ZNF629: variants seen among roughly 807,000 people sequenced by gnomAD.
The protein encoded by ZNF629 is zinc finger protein 629.
A neutral mutation model predicts 59.7 loss-of-function variants in ZNF629; 9 were observed. The ratio of observed to expected loss-of-function variants is 0.15; its 90% confidence interval spans 0.09 to 0.26. The LOEUF (loss-of-function observed/expected upper bound fraction) is 0.26. Ranked by LOEUF, ZNF629 falls within the 10% of genes least tolerant of loss-of-function variation. ZNF629 has a pLI of 1.00. For synonymous variants in ZNF629, 509 were observed against 498.9 expected, an observed-to-expected ratio of 1.02 and a Z score of -0.27; for missense variants, 853 against 1,165.4, an observed-to-expected ratio of 0.73 and a Z score of 3.90.
chr16:30,782,354 G>A lies in ZNF629; in HGVS notation c.1974C>T (p.Ser658=), dbSNP rs1289779038. ...AGTGGGAGCAGATGTAGGTCTTGGA[G>A]GACAGCAGCCCCCGCCTCTGGCTGA... ...EGFSQRRGLL[S]SKTYICSHCG... Residue 658 remains serine (S), a synonymous_variant, in exon 3 of 3, where the codon TCC becomes TCT. Coordinates refer to ENST00000262525, the MANE Select transcript of ZNF629 (RefSeq NM_001080417.3). 1.3e-6 allele frequency: 2 copies of A among 1,580,148 alleles called. No individual in the cohort carries two copies. Among genetic ancestry groups the A allele is most frequent in the African/African-American group, 1.3e-5 (1 of 74,244 alleles).
rs751369784 is a variant in ZNF629 at position 30,781,808 on chromosome 16, C to T, written c.2520G>A (p.Lys840=). ...CTCCACACTCGGGGCACAGATAGGG[C>T]TTTTCTTCCACTAGGGTTTTGGGGT... ...GQNPKTLVEE[K]PYLCPECGAG... Residue 840 remains lysine (K), a synonymous_variant, in exon 3 of 3, where the codon AAG becomes AAA. Coordinates refer to ENST00000262525, the MANE Select transcript of ZNF629 (RefSeq NM_001080417.3). 3.7e-6 allele frequency: 6 copies of T among 1,610,546 alleles called. No individual in the cohort carries two copies. The highest frequency in any genetic ancestry group is 5.1e-6 in the Non-Finnish European group (6 of 1,178,080).
Position 30,783,472 on chromosome 16 carries a change from C to G in ZNF629, c.856G>C (p.Gly286Arg), listed in dbSNP as rs1428979703. 1 of 1,614,138 alleles carries G rather than the reference C, an allele frequency of 6.2e-7. No homozygotes were observed. Among genetic ancestry groups the G allele is most frequent in the Admixed American group, 1.7e-5 (1 of 60,024 alleles). Reference sequence around the variant, plus strand: ...TCGGGGCACTTGTAGGGTTTCTCGCCTGTGTGGGTGGCCTGGTGCTGGATG... The same window carrying G: ...TCGGGGCACTTGTAGGGTTTCTCGCGTGTGTGGGTGGCCTGGTGCTGGATG... ...DLIQHQATHT[G>R]EKPYKCPECG... Residue 286 changes from glycine (G) to arginine (R), a missense_variant, in exon 3 of 3, where the codon GGC becomes CGC. Gly to Arg is a moderately radical substitution (Grantham distance 125). This residue lies in a region of ZNF629 where 201 missense variants were observed against 536.5 expected (regional missense o/e 0.37). Coordinates refer to ENST00000262525, the MANE Select transcript of ZNF629 (RefSeq NM_001080417.3).
rs1334767976 is a variant in ZNF629 at position 30,786,097 on chromosome 16, C to T, written c.-34+931G>A. ...GGGGCAAGGGAGACATGGCAGGAGG[C>T]GCTGAGAGGTGACCAAGGTGAAGCA... On this transcript the variant is annotated intron_variant, in intron 1 of 2. Coordinates refer to ENST00000262525, the MANE Select transcript of ZNF629 (RefSeq NM_001080417.3). The surrounding 1 kb of genome is among the most constrained non-coding windows in gnomAD (Gnocchi z 4.8). 2.0e-5 allele frequency among the ~76,000 whole-genome samples: 3 copies of T among 152,040 alleles called. No homozygotes were observed. The highest frequency in any genetic ancestry group is 6.6e-5 in the Admixed American group (1 of 15,258).
chr16:30,783,941 G>T lies in ZNF629; in HGVS notation c.387C>A (p.Pro129=). The T allele has an allele frequency of 1.3e-6, 2 of 1,587,978 alleles. No individual in the cohort carries two copies. Among genetic ancestry groups the T allele is most frequent in the Admixed American group, 1.8e-5 (1 of 56,760 alleles). ...GCTCCCGCAGGCTGGGCTCGTTGGCGGGGACGACTGGGGGGCTGTTCCATG... is the reference window on the plus strand; with the variant it reads ...GCTCCCGCAGGCTGGGCTCGTTGGCTGGGACGACTGGGGGGCTGTTCCATG... ...LTTWNSPPVV[P]ANEPSLRELV... Residue 129 remains proline (P), a synonymous_variant, in exon 3 of 3, where the codon CCC becomes CCA. Transcript: ENST00000262525.
chr16:30,781,824 G>A lies in ZNF629; in HGVS notation c.2504C>T (p.Thr835Ile), dbSNP rs949638310. ...CAGATAGGGCTTTTCTTCCACTAGG[G>A]TTTTGGGGTTTTGCCCTTCCCCATG... is the stretch of plus-strand genomic sequence containing the variant. ...SSHGEGQNPKTLVEEKPYLCP... is the reference protein window; with the variant it reads ...SSHGEGQNPKILVEEKPYLCP... Residue 835 changes from threonine to isoleucine, a missense_variant, in exon 3 of 3, where the codon ACC (threonine) becomes ATC (isoleucine). By Grantham distance (89) the Thr-to-Ile change is moderately conservative (BLOSUM62 -1). Around this residue, in one of 3 missense-constraint regions of ZNF629, gnomAD observed 420 missense variants for 435.6 expected, o/e 0.96. Coordinates refer to ENST00000262525, the MANE Select transcript of ZNF629 (RefSeq NM_001080417.3). The A allele has an allele frequency of 5.0e-6, 8 of 1,605,602 alleles. No individual in the cohort carries two copies. Among genetic ancestry groups the A allele is most frequent in the Non-Finnish European group, 6.0e-6 (7 of 1,175,306 alleles).
In ZNF629 at chr16:30,782,227, C is replaced by T; in HGVS notation, c.2101G>A (p.Glu701Lys). Reference sequence around the variant, plus strand: ...AAGAAGGGGCTGGGCCCTGCGCCTTCCCCTAGGCCAATTCTATAATCAGGA... The same window carrying T: ...AAGAAGGGGCTGGGCCCTGCGCCTTTCCCTAGGCCAATTCTATAATCAGGA... ...LFPDYRIGLG[E>K]GAGPSPFLSG... Residue 701 changes from glutamate (E) to lysine (K), a missense_variant, in exon 3 of 3, where the codon GAA becomes AAA. Glu to Lys is a moderately conservative substitution (Grantham distance 56). Transcript: ENST00000262525. 1.2e-6 allele frequency: 2 copies of T among 1,613,690 alleles called. No homozygotes were observed. Among genetic ancestry groups the T allele is most frequent in the Non-Finnish European group, 1.7e-6 (2 of 1,179,856 alleles).
rs1438899764 is a variant in ZNF629 at position 30,780,684 on chromosome 16, G to C, written c.*1034C>G. 1 of 152,490 alleles carries C rather than the reference G, an allele frequency of 6.6e-6. No individual in the cohort carries two copies. The highest frequency in any genetic ancestry group is 1.5e-5 in the Non-Finnish European group (1 of 68,042). 9.4% of individuals were successfully genotyped at this position (152,490 alleles called of 1,614,324 possible). A position where few individuals can be genotyped will look rare whatever the true frequency, so the allele number is the denominator to read the frequency against. On this transcript the variant is annotated 3_prime_UTR_variant, in exon 3 of 3. Coordinates refer to ENST00000262525, the MANE Select transcript of ZNF629 (RefSeq NM_001080417.3). ...AAGTCCCTGGCTGGGCAGGGAGAAA[G>C]GGTGGTCCTGCCTGGTGTGGGGAGA...
chr16:30,782,040 A>C lies in ZNF629; in HGVS notation c.2288T>G (p.Leu763Arg). The change falls in exon 3 of 3, where the codon CTG (leucine) becomes CGG (arginine). Residue 763 changes from leucine (L) to arginine (R), a missense_variant. By Grantham distance (102) the Leu-to-Arg change is moderately radical. Transcript: ENST00000262525. Reference protein sequence around the residue: ...SVLLEHLRSPLGARPYRCSDC... With the variant: ...SVLLEHLRSPRGARPYRCSDC... ...TGAGCAGCGGTAGGGTCTGGCCCCCAGGGGGCTCCTGAGATGCTCCAGGAG... is the reference window on the plus strand; with the variant it reads ...TGAGCAGCGGTAGGGTCTGGCCCCCCGGGGGCTCCTGAGATGCTCCAGGAG... The C allele has an allele frequency of 6.4e-7, 1 of 1,573,284 alleles. No homozygotes were observed. The highest frequency in any genetic ancestry group is 8.6e-7 in the Non-Finnish European group (1 of 1,159,488).
rs1187496067 is a variant in ZNF629 at position 30,783,189 on chromosome 16, C to T, written c.1139G>A (p.Gly380Asp). The change falls in exon 3 of 3, where the codon GGC (glycine) becomes GAC (aspartate). Residue 380 changes from glycine to aspartate, a missense_variant. Coordinates refer to ENST00000262525, the MANE Select transcript of ZNF629 (RefSeq NM_001080417.3). The stretch of plus-strand genomic sequence containing the variant: ...CGTGGCGCTCAGGGTGAAGGTCTTG[C>T]CGCACACTGGGCACTTGAACGGGTC... ...REDPFKCPVC[G>D]KTFTLSATLL... 1 of 1,613,040 alleles carries T rather than the reference C, an allele frequency of 6.2e-7. No individual in the cohort carries two copies. Among genetic ancestry groups the T allele is most frequent in the Non-Finnish European group, 8.5e-7 (1 of 1,179,670 alleles).
rs989013871 is a variant in ZNF629 at position 30,778,980 on chromosome 16, C to A, written c.*2738G>T. On this transcript the variant is annotated 3_prime_UTR_variant, in exon 3 of 3. Transcript: ENST00000262525. ...CCACTGCCACCTCCCTGCTTCAATC[C>A]TCCCAAGACGTAGCTCACTCTGGGA... The A allele has an allele frequency of 1.3e-5, 2 of 152,310 alleles. No homozygotes were observed. The highest frequency in any genetic ancestry group is 1.5e-5 in the Non-Finnish European group (1 of 68,124). The allele number at this position is 152,310 out of a possible 1,614,324, so 9.4% of individuals were successfully genotyped here.
chr16:30,781,558 C>T lies in ZNF629; in HGVS notation c.*160G>A. 1 of 629,758 alleles carries T rather than the reference C, an allele frequency of 1.6e-6. No individual in the cohort carries two copies. The highest frequency in any genetic ancestry group is 2.4e-6 in the Non-Finnish European group (1 of 413,798). The allele number at this position is 629,758 out of a possible 1,614,324, so 39.0% of individuals were successfully genotyped here. A position where few individuals can be genotyped will look rare whatever the true frequency, so the allele number is the denominator to read the frequency against. On this transcript the variant is annotated 3_prime_UTR_variant, in exon 3 of 3. Transcript: ENST00000262525. ...CCACCAACAATTTTATAGGGTTTCT[C>T]ATCACTGATGTAAAAGCACTATTTT...
Position 30,783,041 on chromosome 16 carries a change from G to T in ZNF629, c.1287C>A (p.Pro429=). ...NHQRIHRGER[P]YICADCGKSF... ...TCTTGCCGCAGTCGGCGCAGATGTA[G>T]GGCCGCTCGCCGCGGTGGATGCGCT... The change falls in exon 3 of 3, where the codon CCC becomes CCA. Residue 429 remains proline, a synonymous_variant. Transcript: ENST00000262525. 6.2e-7 allele frequency: 1 copy of T among 1,613,848 alleles called. No homozygotes were observed.
rs1041216858 is a variant in ZNF629, at chr16:30,779,117, CTG to C, written c.*2599_*2600del. On this transcript the variant is annotated 3_prime_UTR_variant, in exon 3 of 3. Transcript: ENST00000262525. ...ACCGCAAGACGCCTGACCCTACGAA[CTG>C]TGCGCTCACATCATCCATCCCGTAC... is the stretch of plus-strand genomic sequence containing the variant. The C allele has an allele frequency of 6.6e-6, 1 of 152,378 alleles. No homozygotes were observed. The highest frequency in any genetic ancestry group is 2.4e-5 in the African/African-American group (1 of 41,436). 9.4% of individuals were successfully genotyped at this position (152,378 alleles called of 1,614,324 possible).
In ZNF629 at chr16:30,783,610, C is replaced by T; in HGVS notation, c.718G>A (p.Glu240Lys). Residue 240 changes from glutamate (E) to lysine (K), a missense_variant, in exon 3 of 3, where the codon GAG becomes AAG. Around this residue, in one of 3 missense-constraint regions of ZNF629, gnomAD observed 201 missense variants for 536.5 expected, o/e 0.37. Coordinates refer to ENST00000262525, the MANE Select transcript of ZNF629 (RefSeq NM_001080417.3). ...TTGGTGCTCTGGGTGAAGGCTTTCT[C>T]GCACTCCGTGCACTTGTAGGGCTTC... ...GEKPYKCTEC[E>K]KAFTQSTNLI... The T allele has an allele frequency of 6.2e-7, 1 of 1,613,900 alleles. No individual in the cohort carries two copies.
At position 30,784,524 on chromosome 16, in the gene ZNF629, G is replaced by T; in HGVS notation, c.-33-9C>A. On this transcript the variant is annotated splice_polypyrimidine_tract_variant and intron_variant, in intron 1 of 2. Transcript: ENST00000262525. ...GCAGTGTTCCAGGGACCCTGCGGGG[G>T]AAGACAGCGATGAGCGCACACTGGG... 6.7e-7 allele frequency: 1 copy of T among 1,499,150 alleles called. No homozygotes were observed. 92.9% of individuals were successfully genotyped at this position (1,499,150 alleles called of 1,614,324 possible). A position where few individuals can be genotyped will look rare whatever the true frequency, so the allele number is the denominator to read the frequency against.
Position 30,782,445 on chromosome 16 carries a change from C to T in ZNF629, c.1883G>A (p.Gly628Glu), listed in dbSNP as rs1249621572. The T allele has an allele frequency of 6.4e-7, 1 of 1,566,334 alleles. No homozygotes were observed. Residue 628 changes from glycine (G) to glutamate (E), a missense_variant, in exon 3 of 3, where the codon GGG becomes GAG. Gly to Glu is a moderately conservative substitution (Grantham distance 98). Around this residue, in one of 3 missense-constraint regions of ZNF629, gnomAD observed 420 missense variants for 435.6 expected, o/e 0.96. Transcript: ENST00000262525. ...RLPFRGNSYP[G>E]AAEGRAEAPG... ...GGCCTCCGCTCTGCCCTCCGCAGCC[C>T]CGGGGTAGGAATTCCCTCTGAAAGG...
Position 30,782,296 on chromosome 16 carries a change from G to A in ZNF629, c.2032C>T (p.Leu678Phe). 6.2e-7 allele frequency: 1 copy of A among 1,612,076 alleles called. No individual in the cohort carries two copies. Among genetic ancestry groups the A allele is most frequent in the South Asian group, 1.1e-5 (1 of 90,780 alleles). Residue 678 changes from leucine to phenylalanine, a missense_variant, in exon 3 of 3, where the codon CTC becomes TTC. This residue lies in a region of ZNF629 where 420 missense variants were observed against 435.6 expected (regional missense o/e 0.96). Transcript: ENST00000262525. The part of the protein sequence containing the change: ...GESFLDRSVL[L>F]QHQLTHGNEK... The stretch of plus-strand genomic sequence containing the variant: ...TTGCCGTGGGTGAGCTGATGCTGGA[G>A]GAGCACAGAGCGATCCAGGAAGCTC...
rs1271104594 is a variant in ZNF629 at position 30,784,165 on chromosome 16, A to C, written c.163T>G (p.Ser55Ala). The stretch of plus-strand genomic sequence containing the variant: ...AGGGACATCTCTGTTGAGTCCTTGG[A>C]TTCTGGACTCTGAGCCGGGTCTCCC... ...IMGDPAQSPE[S>A]KDSTEMSLER... is the part of the protein sequence containing the mutation. Residue 55 changes from serine to alanine, a missense_variant, in exon 3 of 3, where the codon TCC becomes GCC. By Grantham distance (99) the Ser-to-Ala change is moderately conservative (BLOSUM62 1). Coordinates refer to ENST00000262525, the MANE Select transcript of ZNF629 (RefSeq NM_001080417.3). The C allele has an allele frequency of 6.2e-7, 1 of 1,609,820 alleles. No homozygotes were observed. The highest frequency in any genetic ancestry group is 1.1e-5 in the South Asian group (1 of 90,472).
In ZNF629 at chr16:30,779,988, C is replaced by T. The variant is rs1281959133; in HGVS notation, c.*1730G>A. 1 of 152,576 alleles carries T rather than the reference C, an allele frequency of 6.6e-6. No homozygotes were observed. Among genetic ancestry groups the T allele is most frequent in the East Asian group, 1.9e-4 (1 of 5,200 alleles). 9.5% of individuals were successfully genotyped at this position (152,576 alleles called of 1,614,324 possible). ...TCAAGAGTTTTCTGTCTTCCACCAT[C>T]TCATAGGGCAACAGTCTCTCCCCAG... On this transcript the variant is annotated 3_prime_UTR_variant, in exon 3 of 3. Coordinates refer to ENST00000262525, the MANE Select transcript of ZNF629 (RefSeq NM_001080417.3).
Sources: allele counts gnomAD v4.1 joint callset (sites outside exome capture counted in the v4.1 genomes callset), GRCh38; gene constraint gnomAD v4.1.1; regional missense constraint gnomAD v4.1.1; non-coding constraint Gnocchi (gnomAD v3.1); transcripts MANE v1.5; gene names NCBI Gene and HGNC (gene_info 2026-07-23, HGNC 2026-07-21).